Variants in PCDHGA9 observed in about 807,000 individuals in gnomAD.
PCDHGA9 encodes the protein protocadherin gamma subfamily A, 9.
In PCDHGA9, 37 loss-of-function variants were observed where a neutral mutation model predicts 62.5. That is an observed-to-expected ratio of 0.59 (90% CI 0.46 to 0.78). The LOEUF (loss-of-function observed/expected upper bound fraction) is 0.78. Among genes scored for constraint, PCDHGA9 ranks in the 30% least tolerant of loss-of-function variants. The probability of loss-of-function intolerance (pLI) is 0.00; values close to 1 mark genes in which losing one functional copy is unlikely to be tolerated. For synonymous variants in PCDHGA9, 459 were observed against 484.6 expected (o/e 0.95, Z 0.69); for missense variants, 1,138 against 1,166.2 (o/e 0.98, Z 0.35).
chr5:141,418,348 T>G (rs2096249125), intron 1 of PCDHGA9: 1 of 1,613,982 alleles, frequency 6.2e-7, no homozygotes, highest in African/African-American at 1.3e-5. Flanking sequence ...CTGATATTAG[T>G]ATGAATTCGC....
At chr5:141,418,499 G>A (rs775606988) in intron 1 of PCDHGA9, 1 of 1,613,962 alleles carries the variant, frequency 6.2e-7, no homozygotes, top group Non-Finnish European at 8.5e-7. Context: ...GGTACTGACC[G>A]CCTTAGATGG....
chr5:141,494,446 G>C (rs1046119515), intron 1 of PCDHGA9, among the ~76,000 whole-genome samples: 2 of 152,172 alleles, frequency 1.3e-5, no homozygotes, highest in African/African-American at 4.8e-5. Context: ...TGCCACTTTA[G>C]GGGGCTTTGT....
chr5:141,485,497 T>C lies in PCDHGA9; in HGVS notation c.2425-9310T>C, dbSNP rs1594488328. On this transcript the variant is annotated intron_variant, in intron 1 of 3. Coordinates refer to ENST00000573521, the MANE Select transcript of PCDHGA9 (RefSeq NM_018921.3). The surrounding 1 kb of genome is among the most constrained non-coding windows in gnomAD (Gnocchi z 5.7). ...CCAGCTGCATCGTGCCCCTGGAGTT[T>C]GTCACCGAAGGTCCTTTGGAAATGT... 6.2e-7 allele frequency: 1 copy of C among 1,614,112 alleles called. No homozygotes were observed. The highest frequency in any genetic ancestry group is 1.3e-5 in the African/African-American group (1 of 74,998).
At chr5:141,498,467 G>C (rs535351060) in intron 2 of PCDHGA9, among the ~76,000 whole-genome samples, 1 of 152,116 alleles carries the variant, frequency 6.6e-6, no homozygotes, top group East Asian at 1.9e-4. Context: ...GTCTAACCCT[G>C]GTTCCAGCCT....
intron 1 of PCDHGA9, among the ~76,000 whole-genome samples, chr5:141,484,009 T>A (rs1157069536): frequency 7.1e-5 from 1 of 14,094 alleles, no homozygotes; most frequent in African/African-American, 2.8e-4. Flanking sequence ...TGGATGAGGG[T>A]GGGGGTGGGG....
At chr5:141,420,392 G>A (rs1480059498) in intron 1 of PCDHGA9, 2 of 1,268,940 alleles carry the variant, frequency 1.6e-6, no homozygotes, top group East Asian at 5.5e-5. Context: ...CAAAATATAG[G>A]TCAAATTTAT....
chr5:141,451,809 A>C (rs1316571749), intron 1 of PCDHGA9, among the ~76,000 whole-genome samples: 1 of 150,308 alleles, frequency 6.7e-6, no homozygotes, highest in Non-Finnish European at 1.5e-5. Flanking sequence ...TGAACCCAGG[A>C]GGCGGAGGTT....
intron 1 of PCDHGA9, chr5:141,427,931 G>C: frequency 6.3e-7 from 1 of 1,583,764 alleles, no homozygotes; most frequent in Non-Finnish European, 8.6e-7. Flanking sequence ...GGCGCATGTT[G>C]GTGGGCGACC....
chr5:141,421,812 A>T, intron 1 of PCDHGA9: 1 of 1,613,822 alleles, frequency 6.2e-7, no homozygotes, highest in Non-Finnish European at 8.5e-7. Context: ...ATCCAGAGCT[A>T]GTACTGGAGG....
intron 1 of PCDHGA9, among the ~76,000 whole-genome samples, chr5:141,435,314 G>C (rs1490871069): frequency 6.6e-6 from 1 of 152,006 alleles, no homozygotes; most frequent in African/African-American, 2.4e-5. Flanking sequence ...AATCATTCAT[G>C]AACTTCCAAA....
rs1438257730 is a variant in PCDHGA9, at chr5:141,477,587, C to G, written c.2425-17220C>G. 4.3e-6 allele frequency: 7 copies of G among 1,614,094 alleles called. 1 individual carries two copies. In the South Asian group the frequency reaches 7.7e-5, roughly 18 times the overall value. ...GGACCCCGACGCCCCGCAGAATGCT[C>G]GGCTTTCTTTCTTTCTCTTGGAGCA... On this transcript the variant is annotated intron_variant, in intron 1 of 3. Transcript: ENST00000573521. The surrounding 1 kb of genome is among the most constrained non-coding windows in gnomAD (Gnocchi z 4.9).
At chr5:141,502,300 TTCCTC>T (rs139569110) in intron 2 of PCDHGA9, among the ~76,000 whole-genome samples, 4,853 of 152,256 alleles carry the variant, frequency 0.032, 250 homozygotes, top group African/African-American at 0.11. Flanking sequence ...TGTCACGTCT[TTCCTC>T]TCCTTTAATC....
At chr5:141,440,631 A>C (rs1036203175) in intron 1 of PCDHGA9, 2 of 152,224 alleles carry the variant, frequency 1.3e-5, no homozygotes, top group African/African-American at 4.8e-5. Flanking sequence ...ATGTTGAGAG[A>C]AATTCCTTAC....
Position 141,403,069 on chromosome 5 carries a change from A to G in PCDHGA9, c.117A>G (p.Thr39=), listed in dbSNP as rs747569947. Residue 39 remains threonine, a synonymous_variant, in exon 1 of 4, where the codon ACA becomes ACG. Transcript: ENST00000573521. ...SQIRYSVPEE[T]EKGYIVGNIS... is the part of the protein sequence containing the mutation. The stretch of plus-strand genomic sequence containing the variant: ...TTCGCTACTCAGTGCCTGAAGAGAC[A>G]GAAAAGGGCTATATTGTGGGCAACA... 1.9e-6 allele frequency: 3 copies of G among 1,613,954 alleles called. No individual in the cohort carries two copies. Among genetic ancestry groups the G allele is most frequent in the African/African-American group, 2.7e-5 (2 of 74,956 alleles).
intron 1 of PCDHGA9, chr5:141,422,865 C>G: frequency 1.2e-6 from 2 of 1,614,244 alleles, no homozygotes; most frequent in Non-Finnish European, 1.7e-6. Context: ...TCAGCAGCAA[C>G]GTGTCGCTGA....
intron 1 of PCDHGA9, among the ~76,000 whole-genome samples, chr5:141,479,798 G>C (rs892288776): frequency 6.6e-6 from 1 of 152,234 alleles, no homozygotes; most frequent in East Asian, 1.9e-4. Context: ...ATTAATTCAG[G>C]GTGGTATGCA....
In PCDHGA9 at chr5:141,426,211, G is replaced by A. The variant is rs184669298; in HGVS notation, c.2424+20835G>A. On this transcript the variant is annotated intron_variant, in intron 1 of 3. Coordinates refer to ENST00000573521, the MANE Select transcript of PCDHGA9 (RefSeq NM_018921.3). ...TGGGAGCATTGAGTTTTCTATGTAT[G>A]GAAGTAAATATTTTAAAAGCACTTT... The A allele has an allele frequency of 7.7e-4, 121 of 157,870 alleles. 1 individual carries two copies. The highest frequency in any genetic ancestry group is 7.4e-4 in the South Asian group (4 of 5,398). 9.8% of individuals were successfully genotyped at this position (157,870 alleles called of 1,614,324 possible). A position where few individuals can be genotyped will look rare whatever the true frequency, so the allele number is the denominator to read the frequency against.
chr5:141,403,201 C>T lies in PCDHGA9; in HGVS notation c.249C>T (p.Thr83=), dbSNP rs1486888915. 2 of 1,614,002 alleles carry T rather than the reference C, an allele frequency of 1.2e-6. No individual in the cohort carries two copies. The highest frequency in any genetic ancestry group is 1.1e-5 in the South Asian group (1 of 91,090). The change falls in exon 1 of 4, where the codon ACC becomes ACT. Residue 83 remains threonine, a synonymous_variant. Coordinates refer to ENST00000573521, the MANE Select transcript of PCDHGA9 (RefSeq NM_018921.3). ...TCTCTCTGAACCCGCGCAGCGGCAC[C>T]TTGGTCACCGCGGGTAGGATAGACC... ...QLFSLNPRSG[T]LVTAGRIDRE...
intron 1 of PCDHGA9, 162 bp from the exon 2 acceptor site, chr5:141,494,645 G>A: frequency 1.1e-6 from 1 of 935,948 alleles, no homozygotes. Flanking sequence ...GAGACCTGAG[G>A]TGTATTTTGT....
Sources: allele counts gnomAD v4.1 joint callset (sites outside exome capture counted in the v4.1 genomes callset), GRCh38; gene constraint gnomAD v4.1.1; non-coding constraint Gnocchi (gnomAD v3.1); transcripts MANE v1.5; gene names NCBI Gene and HGNC (gene_info 2026-07-23, HGNC 2026-07-21).